Variants in CTIF observed in about 807,000 individuals in gnomAD.
CTIF encodes the protein CBP80/20-dependent translation initiation factor.
CTIF carries 21 observed loss-of-function variants against 66.0 expected under a neutral mutation model. That is an observed-to-expected ratio of 0.32 (90% CI 0.23 to 0.46). The LOEUF is 0.46. CTIF is among the 20% of genes least tolerant of loss of function. CTIF has a pLI of 1.00. For missense variants in CTIF, 739 were observed against 812.7 expected, an observed-to-expected ratio of 0.91 and a Z score of 1.10; for synonymous variants, 345 against 326.4, an observed-to-expected ratio of 1.06 and a Z score of -0.62.
intron 10 of CTIF, 86 bp from the exon 11 acceptor site, chr18:48,857,502 C>T (rs1376357417): frequency 4.9e-6 from 6 of 1,223,234 alleles, no homozygotes; most frequent in African/African-American, 4.6e-5. Flanking sequence ...GCTGGGGCTG[C>T]AGGTCGGCGG....
In CTIF at chr18:48,648,796, G is replaced by A. The variant is rs959111014; in HGVS notation, c.252+12111G>A. Among the ~76,000 whole-genome samples, 6 of 152,260 alleles carry A rather than the reference G, an allele frequency of 3.9e-5. No individual in the cohort carries two copies. In the Middle Eastern group the frequency reaches 0.014, roughly 345 times the overall value. ...AGTCACCAATGTAGTCCATGTAGTC[G>A]TGGGACCAGTGAGGAAACACAGGTC... On this transcript the variant is annotated intron_variant, in intron 3 of 11. Coordinates refer to ENST00000256413, the MANE Select transcript of CTIF (RefSeq NM_014772.3).
At chr18:48,811,514 ACTT>A (rs1353445077) in intron 9 of CTIF, among the ~76,000 whole-genome samples, 1 of 152,136 alleles carries the variant, frequency 6.6e-6, no homozygotes, top group African/African-American at 2.4e-5. Context: ...AGTCTCTAAA[ACTT>A]CTTCATCTTG....
chr18:48,568,633 T>TAAAAAAAAAAAAAGAAAAAAA lies in CTIF; in HGVS notation c.-29+29334_-29+29335insGAAAAAAAAAAAAAAAAAAAA, dbSNP rs2089332245. On this transcript the variant is annotated intron_variant, in intron 1 of 11. Coordinates refer to ENST00000256413, the MANE Select transcript of CTIF (RefSeq NM_014772.3). ...GAAATACCTGAGACTGGGCAATTTG[T>TAAAAAAAAAAAAAGAAAAAAA]AAAAAAAAAAAAAAAAAAAAAAAAA... 1.9e-4 allele frequency among the ~76,000 whole-genome samples: 7 copies of TAAAAAAAAAAAAAGAAAAAAA among 36,622 alleles called. 3 individuals are homozygous for TAAAAAAAAAAAAAGAAAAAAA. Among genetic ancestry groups the TAAAAAAAAAAAAAGAAAAAAA allele is most frequent in the Non-Finnish European group, 3.6e-4 (6 of 16,556 alleles). The allele number at this position is 36,622 out of a possible 152,430, so 24.0% of individuals were successfully genotyped here.
chr18:48,675,094 T>G, intron 6 of CTIF, among the ~76,000 whole-genome samples: 1 of 152,014 alleles, frequency 6.6e-6, no homozygotes, highest in African/African-American at 2.4e-5. Flanking sequence ...CAGAAGGCTC[T>G]GAGTACAGGG....
intron 10 of CTIF, among the ~76,000 whole-genome samples, chr18:48,840,651 G>T (rs889932262): frequency 6.6e-6 from 1 of 152,132 alleles, no homozygotes; most frequent in Admixed American, 6.5e-5. Flanking sequence ...CCTCCAATGG[G>T]TGGCTGCTCC....
At chr18:48,779,600 C>T (rs987516329) in intron 9 of CTIF, among the ~76,000 whole-genome samples, 2 of 152,234 alleles carry the variant, frequency 1.3e-5, no homozygotes, top group Non-Finnish European at 2.9e-5. Context: ...CTTGGGCTCT[C>T]CCCACTGCCA....
At chr18:48,859,009 G>A (rs542460061) in intron 11 of CTIF, among the ~76,000 whole-genome samples, 4 of 152,306 alleles carry the variant, frequency 2.6e-5, no homozygotes, top group Non-Finnish European at 5.9e-5. Context: ...TTGAGGGTGC[G>A]GATGTAGTCA....
At chr18:48,616,425 G>T (rs780834585) in intron 1 of CTIF, among the ~76,000 whole-genome samples, 1 of 152,206 alleles carries the variant, frequency 6.6e-6, no homozygotes, top group African/African-American at 2.4e-5. Flanking sequence ...GCTCACTGGC[G>T]AGTCAGTATG....
intron 6 of CTIF, among the ~76,000 whole-genome samples, chr18:48,706,155 C>T (rs1727498263): frequency 6.6e-6 from 1 of 152,180 alleles, no homozygotes. Flanking sequence ...CATCCCCTTG[C>T]CCTGTTGTGT....
rs182117856 is a variant in CTIF, at chr18:48,736,580, C to T, written c.585-21339C>T. Among the ~76,000 whole-genome samples the T allele has an allele frequency of 3.9e-5, 6 of 152,312 alleles. No individual in the cohort carries two copies. The East Asian group carries it at 1.2e-3, about 29-fold the overall frequency. On this transcript the variant is annotated intron_variant, in intron 7 of 11. Coordinates refer to ENST00000256413, the MANE Select transcript of CTIF (RefSeq NM_014772.3). ...GCATATATATTTCCTGGCCTCTTGC[C>T]TTTGCATGTGTGAGTCGTGATGGGG...
chr18:48,749,727 G>A (rs1186284296), intron 7 of CTIF, among the ~76,000 whole-genome samples: 1 of 152,200 alleles, frequency 6.6e-6, no homozygotes, highest in Non-Finnish European at 1.5e-5. Context: ...AGCAGTTAAG[G>A]AACTTGCCCA....
chr18:48,659,219 A>C (rs1408569325), intron 3 of CTIF, among the ~76,000 whole-genome samples: 1 of 152,034 alleles, frequency 6.6e-6, no homozygotes, highest in Non-Finnish European at 1.5e-5. Context: ...GAGTGGCAAT[A>C]AGGAGTGCGG....
intron 3 of CTIF, among the ~76,000 whole-genome samples, chr18:48,645,407 T>A (rs299730): frequency 1 from 151,925 of 152,306 alleles, 75,775 homozygotes; most frequent in Middle Eastern, 1. Flanking sequence ...ACTTTTCGAC[T>A]GTCACTGCTG....
chr18:48,829,760 G>T (rs2068652558), intron 10 of CTIF, among the ~76,000 whole-genome samples: 1 of 152,230 alleles, frequency 6.6e-6, no homozygotes, highest in African/African-American at 2.4e-5. Flanking sequence ...GGTGAATAAA[G>T]CACACACAGC....
chr18:48,539,798 A>G (rs1198015159), intron 1 of CTIF: 1 of 152,548 alleles, frequency 6.6e-6, no homozygotes, highest in East Asian at 1.9e-4. Flanking sequence ...AGTATCAGCC[A>G]AACTTGCAGC....
At chr18:48,738,293 AC>A (rs2092521985) in intron 7 of CTIF, among the ~76,000 whole-genome samples, 1 of 152,088 alleles carries the variant, frequency 6.6e-6, no homozygotes, top group Non-Finnish European at 1.5e-5. Context: ...TACTCCTATA[AC>A]ATTACTATCT....
rs746802070 is a variant in CTIF, at chr18:48,860,137, C to T, written c.*578C>T. On this transcript the variant is annotated 3_prime_UTR_variant, in exon 12 of 12. Transcript: ENST00000256413. ...CCTTTGTCAGCCATGGCAGAGCTGA[C>T]GCTCCACCTCCCACCTCCAAGTCCT... 130 of 365,928 alleles carry T rather than the reference C, an allele frequency of 3.6e-4. No individual in the cohort carries two copies. The highest frequency in any genetic ancestry group is 6.4e-4 in the Non-Finnish European group (117 of 182,490). 22.7% of individuals were successfully genotyped at this position (365,928 alleles called of 1,614,324 possible). A position where few individuals can be genotyped will look rare whatever the true frequency, so the allele number is the denominator to read the frequency against.
In CTIF at chr18:48,570,147, CAA is replaced by C. The variant is rs1319249084; in HGVS notation, c.-29+30836_-29+30837del. Among the ~76,000 whole-genome samples, 37 of 152,272 alleles carry C rather than the reference CAA, an allele frequency of 2.4e-4. 2 individuals carry two copies. Among genetic ancestry groups the C allele is most frequent in the African/African-American group, 8.9e-4 (37 of 41,542 alleles). On this transcript the variant is annotated intron_variant, in intron 1 of 11. Coordinates refer to ENST00000256413, the MANE Select transcript of CTIF (RefSeq NM_014772.3). ...CAAACCCCTTGTAAAAAGAGGTAGA[CAA>C]TAACCACTCCCAGAGCTGTGGAGAG...
intron 9 of CTIF, among the ~76,000 whole-genome samples, chr18:48,797,402 G>A (rs1014851302): frequency 7.9e-5 from 12 of 151,028 alleles, no homozygotes; most frequent in African/African-American, 2.7e-4. Context: ...AGAATCACTT[G>A]AACCCAGTGG....
Sources: gnomAD v4.1 joint callset for allele counts (sites outside exome capture counted in the v4.1 genomes callset) on GRCh38, gnomAD v4.1.1 for gene constraint, MANE v1.5 for transcripts, NCBI Gene and HGNC (gene_info 2026-07-23, HGNC 2026-07-21) for gene names.